CD63: variants seen among roughly 807,000 people sequenced by gnomAD.
CD63 encodes the protein CD63 molecule, also known as CD63 antigen.
CD63 carries 16 observed loss-of-function variants against 29.2 expected under a neutral mutation model. The observed-to-expected ratio is 0.55, with a 90% CI of 0.37 to 0.83. The LOEUF (loss-of-function observed/expected upper bound fraction) is 0.83. Ranked by LOEUF, CD63 falls within the 40% of genes least tolerant of loss-of-function variation. The probability of loss-of-function intolerance (pLI) is 0.00; values close to 1 mark genes in which losing one functional copy is unlikely to be tolerated. For synonymous variants in CD63, 118 were observed against 111.7 expected (o/e 1.06, Z -0.36); for missense variants, 251 against 297.3 (o/e 0.84, Z 1.15).
chr12:55,724,650 A>C (rs972224107), downstream of CD63: 4 of 1,039,664 alleles, frequency 3.8e-6, no homozygotes, highest in African/African-American at 6.3e-5. Flanking sequence ...AAGCACTAAC[A>C]AAAGTGTATT....
chr12:55,725,933 A>T, intron 6 of CD63, 37 bp from the exon 7 acceptor site: 1 of 1,599,170 alleles, frequency 6.3e-7, no homozygotes, highest in Admixed American at 1.7e-5. Flanking sequence ...AAGCACCATC[A>T]GAAACTTCCC....
At position 55,728,628 on chromosome 12, in the gene CD63, C is replaced by T; in HGVS notation, c.-11-276G>A. 7.6e-7 allele frequency: 1 copy of T among 1,308,040 alleles called. No individual in the cohort carries two copies. Among genetic ancestry groups the T allele is most frequent in the Non-Finnish European group, 9.8e-7 (1 of 1,025,610 alleles). 81.0% of individuals were successfully genotyped at this position (1,308,040 alleles called of 1,614,324 possible). A position where few individuals can be genotyped will look rare whatever the true frequency, so the allele number is the denominator to read the frequency against. On this transcript the variant is annotated intron_variant, in intron 1 of 7. Transcript: ENST00000257857. This position sits in a 1 kb window ranked among gnomAD's most constrained non-coding sequence, Gnocchi z 4.8. ...CAGGGGCTTGAGCCTGACGCCGACC[C>T]TCGGCCCGCCAGTCTCCGGGCGTCA...
At position 55,726,660 on chromosome 12, in the gene CD63, C is replaced by T. The variant is rs775795074; in HGVS notation, c.426+40G>A. The T allele has an allele frequency of 1.0e-5, 15 of 1,493,782 alleles. No individual in the cohort carries two copies. The South Asian group carries it at 1.7e-4, about 17-fold the overall frequency. The allele number at this position is 1,493,782 out of a possible 1,614,324, so 92.5% of individuals were successfully genotyped here. A position where few individuals can be genotyped will look rare whatever the true frequency, so the allele number is the denominator to read the frequency against. On this transcript the variant is annotated intron_variant, in intron 5 of 7. Transcript: ENST00000257857. ...ACACCCAGCCTTGGAGATGAGAATT[C>T]TCTATTCCCACCACCCCTGCTCCCA...
intron 2 of CD63, 126 bp from the exon 3 acceptor site, chr12:55,727,465 G>C (rs1288129995): frequency 1.6e-5 from 20 of 1,215,336 alleles, no homozygotes; most frequent in Non-Finnish European, 2.2e-5. Context: ...CACACCTCTA[G>C]GGAATTTCTT....
In CD63 at chr12:55,728,310, T is replaced by C. The variant is rs750674037; in HGVS notation, c.32A>G (p.Lys11Arg). Residue 11 changes from lysine to arginine, a missense_variant, in exon 2 of 8, where the codon AAG becomes AGG. By Grantham distance (26) the Lys-to-Arg change is conservative. Transcript: ENST00000257857. The surrounding 1 kb of genome is among the most constrained non-coding windows in gnomAD (Gnocchi z 4.8). MAVEGGMKCV[K>R]FLLYVLLLAF... is the part of the protein sequence containing the mutation. ...CAGCAGGAGGACGTAGAGCAAGAAC[T>C]TCACACATTTCATTCCTCCTTCCAC... 6.2e-7 allele frequency: 1 copy of C among 1,611,338 alleles called. No individual in the cohort carries two copies. Among genetic ancestry groups the C allele is most frequent in the Non-Finnish European group, 8.5e-7 (1 of 1,179,332 alleles).
upstream of CD63, chr12:55,729,040 C>A: frequency 1.0e-6 from 1 of 985,402 alleles, no homozygotes; most frequent in Non-Finnish European, 1.2e-6. Context: ...GCCCCGCCTG[C>A]CGCGCGGCCC....
downstream of CD63, chr12:55,724,490 T>A (rs1877108042): frequency 6.2e-7 from 1 of 1,613,548 alleles, no homozygotes; most frequent in South Asian, 1.1e-5. Flanking sequence ...CCAGCCAGCC[T>A]GGTGGATGCT....
At chr12:55,724,399 G>A (rs1313723934), downstream of CD63, 3 of 1,614,098 alleles carry the variant, frequency 1.9e-6, no homozygotes, top group Non-Finnish European at 2.5e-6. Context: ...CCTGGAGCAT[G>A]CCCTGACTGC....
Position 55,726,294 on chromosome 12 carries a change from T to G in CD63, c.427-33A>C, listed in dbSNP as rs778217121. The G allele has an allele frequency of 6.9e-6, 11 of 1,590,812 alleles. No individual in the cohort carries two copies. The South Asian group carries it at 1.0e-4, about 15-fold the overall frequency. ...AGGGAAGAAATATGGAGAAGAAGGT[T>G]GTTAAGTGAACCTTCACCTTCAATA... On this transcript the variant is annotated intron_variant, in intron 5 of 7. Transcript: ENST00000257857.
chr12:55,725,458 T>C lies in CD63; in HGVS notation c.*103A>G. On this transcript the variant is annotated 3_prime_UTR_variant, in exon 8 of 8. Transcript: ENST00000257857. ...AATCAAGCATCACTCTAAGACAAAC[T>C]CAGACCATCTCTTTTCGGTCTGAAA... The C allele has an allele frequency of 1.0e-6, 1 of 960,130 alleles. No homozygotes were observed. The highest frequency in any genetic ancestry group is 1.7e-6 in the Non-Finnish European group (1 of 591,848). The allele number at this position is 960,130 out of a possible 1,614,324, so 59.5% of individuals were successfully genotyped here.
chr12:55,728,531 G>A lies in CD63; in HGVS notation c.-11-179C>T, dbSNP rs900338451. 6 of 1,440,042 alleles carry A rather than the reference G, an allele frequency of 4.2e-6. No individual in the cohort carries two copies. The South Asian group carries it at 5.8e-5, about 14-fold the overall frequency. The allele number at this position is 1,440,042 out of a possible 1,614,324, so 89.2% of individuals were successfully genotyped here. ...CCCTCTTTACCCGCAGGAGAGGGGT[G>A]GGGGCGACGGCCGCGAAGCCCGGAC... On this transcript the variant is annotated intron_variant, in intron 1 of 7. Transcript: ENST00000257857. This position sits in a 1 kb window ranked among gnomAD's most constrained non-coding sequence, Gnocchi z 4.8.
downstream of CD63, chr12:55,723,554 T>A (rs1877025248): frequency 1.5e-5 from 5 of 323,654 alleles, no homozygotes; most frequent in Middle Eastern, 3.3e-3. Flanking sequence ...ATAATGGTTT[T>A]TTTTATTTTT....
At chr12:55,726,851 C>G in intron 4 of CD63, 39 bp downstream of exon 4, 1 of 1,609,946 alleles carries the variant, frequency 6.2e-7, no homozygotes, top group East Asian at 2.2e-5. Flanking sequence ...GGGTCCCAGA[C>G]CCGGCTGAGG....
At position 55,725,858 on chromosome 12, in the gene CD63, A is replaced by T; in HGVS notation, c.606T>A (p.Asn202Lys). The change falls in exon 7 of 8, where the codon AAT becomes AAA. Residue 202 changes from asparagine (N) to lysine (K), a missense_variant. Transcript: ENST00000257857. ...GGGCTGCTGCAGCTACCACCAGCACATTTTTCCTCAGCCAGCCCCCAATCT... is the reference window on the plus strand; with the variant it reads ...GGGCTGCTGCAGCTACCACCAGCACTTTTTTCCTCAGCCAGCCCCCAATCT... ...VEKIGGWLRK[N>K]VLVVAAAALG... is the part of the protein sequence containing the mutation. The T allele has an allele frequency of 6.2e-7, 1 of 1,613,984 alleles. No individual in the cohort carries two copies. The highest frequency in any genetic ancestry group is 8.5e-7 in the Non-Finnish European group (1 of 1,179,988).
rs774239722 is a variant in CD63 at position 55,726,236 on chromosome 12, T to C, written c.452A>G (p.Tyr151Cys). 2 of 1,613,454 alleles carry C rather than the reference T, an allele frequency of 1.2e-6. No homozygotes were observed. Residue 151 changes from tyrosine to cysteine, a missense_variant, in exon 6 of 8, where the codon TAC becomes TGC. Physicochemically the swap from Tyr to Cys is radical, Grantham distance 194. Coordinates refer to ENST00000257857, the MANE Select transcript of CD63 (RefSeq NM_001780.6). ...GGAAGGGATTTTCTCCCAATCTGTGTAGTTAGCAGCCCCACAGCACTTAAA... is the reference window on the plus strand; with the variant it reads ...GGAAGGGATTTTCTCCCAATCTGTGCAGTTAGCAGCCCCACAGCACTTAAA... ...ADFKCCGAAN[Y>C]TDWEKIPSMS...
intron 7 of CD63, 38 bp from the exon 8 acceptor site, chr12:55,725,664 A>C (rs1877231832): frequency 6.3e-7 from 1 of 1,595,180 alleles, no homozygotes; most frequent in South Asian, 1.1e-5. Context: ...GAGAGGAGTC[A>C]GAAGGGCTAG....
upstream of CD63, chr12:55,729,680 AG>A (rs1463468053): frequency 6.6e-6 from 1 of 152,184 alleles, no homozygotes; most frequent in East Asian, 1.9e-4. Context: ...GTCTGAGAAA[AG>A]GGGAGGAAGC....
intron 3 of CD63, 67 bp downstream of exon 3, chr12:55,727,084 T>G: frequency 6.4e-7 from 1 of 1,574,396 alleles, no homozygotes; most frequent in Non-Finnish European, 8.7e-7. Context: ...TCACCCACCT[T>G]CCTGAGCCCG....
chr12:55,727,973 C>T, intron 2 of CD63: 1 of 1,218,928 alleles, frequency 8.2e-7, no homozygotes, highest in East Asian at 3.5e-5. Flanking sequence ...ATGGCGATAG[C>T]ATCAGGCGGT....
Sources: gnomAD v4.1 joint callset for allele counts on GRCh38, gnomAD v4.1.1 for gene constraint, Gnocchi (gnomAD v3.1) non-coding constraint, MANE v1.5 for transcripts, NCBI Gene and HGNC (gene_info 2026-07-23, HGNC 2026-07-21) for gene names.